Variants in MON2 observed in about 807,000 individuals in gnomAD.
The protein encoded by MON2 is protein MON2 homolog.
MON2 carries 84 observed loss-of-function variants against 208.6 expected under a neutral mutation model. The ratio of observed to expected loss-of-function variants is 0.40; its 90% CI spans 0.34 to 0.48. The LOEUF is 0.48. Among genes scored for constraint, MON2 ranks in the 20% least tolerant of loss-of-function variants. MON2 has a pLI of 0.59. For missense variants in MON2, 1,611 were observed against 2,015.4 expected (o/e 0.80, Z 3.84); for synonymous variants, 660 against 694.0 (o/e 0.95, Z 0.77).
intron 27 of MON2, 142 bp downstream of exon 27, chr12:62,565,522 T>A: frequency 1.3e-6 from 1 of 741,124 alleles, no homozygotes; most frequent in Non-Finnish European, 2.1e-6. Context: ...GTTAGCAGTT[T>A]AAGCTGAACA....
chr12:62,480,883 A>G (rs1414793839), intron 1 of MON2, among the ~76,000 whole-genome samples: 1 of 152,228 alleles, frequency 6.6e-6, no homozygotes, highest in East Asian at 1.9e-4. Flanking sequence ...CAAGGTATAT[A>G]GGGCCATAGT....
At chr12:62,470,849 T>C in intron 1 of MON2, 2 of 561,704 alleles carry the variant, frequency 3.6e-6, no homozygotes, top group Non-Finnish European at 4.6e-6. Context: ...TGAAAGAGAG[T>C]AATATGATCA....
Position 62,597,914 on chromosome 12 carries a change from G to A in MON2, c.*5165G>A, listed in dbSNP as rs1013666446. On this transcript the variant is annotated 3_prime_UTR_variant, in exon 35 of 35. Coordinates refer to ENST00000393630, the MANE Select transcript of MON2 (RefSeq NM_015026.3). ...GTTCAAAAAAATATTTTTAATTAGG[G>A]TTTTGGTTTTTTATGATTTTGGGGG... 1 of 151,380 alleles carries A rather than the reference G, an allele frequency of 6.6e-6. No individual in the cohort carries two copies. The highest frequency in any genetic ancestry group is 1.5e-5 in the Non-Finnish European group (1 of 67,892). The allele number at this position is 151,380 out of a possible 1,614,324, so 9.4% of individuals were successfully genotyped here.
At chr12:62,548,378 G>T (rs1179101416) in intron 22 of MON2, among the ~76,000 whole-genome samples, 2 of 152,132 alleles carry the variant, frequency 1.3e-5, no homozygotes, top group Non-Finnish European at 2.9e-5. Flanking sequence ...ACAAGGAAGA[G>T]CAAATTTGGA....
intron 23 of MON2, among the ~76,000 whole-genome samples, chr12:62,550,693 T>G (rs926593982): frequency 1.1e-4 from 17 of 152,166 alleles, no homozygotes; most frequent in Non-Finnish European, 2.1e-4. Context: ...GATAACGTCT[T>G]TTCTTAAACC....
chr12:62,539,608 G>T (rs1243234451), intron 19 of MON2, among the ~76,000 whole-genome samples: 3 of 152,032 alleles, frequency 2.0e-5, no homozygotes, highest in Non-Finnish European at 4.4e-5. Context: ...ACTGTGGCTT[G>T]TTATCTTGGC....
At chr12:62,481,026 A>C (rs1307605010) in intron 1 of MON2, among the ~76,000 whole-genome samples, 1 of 152,208 alleles carries the variant, frequency 6.6e-6, no homozygotes, top group Non-Finnish European at 1.5e-5. Flanking sequence ...TACAAAATAC[A>C]CATAATAATT....
At chr12:62,495,216 A>G (rs1291105290) in intron 4 of MON2, 69 bp downstream of exon 4, 3 of 1,422,422 alleles carry the variant, frequency 2.1e-6, no homozygotes, top group Non-Finnish European at 2.8e-6. Flanking sequence ...GCTGAAAGAG[A>G]AAAGCTTGGT....
intron 12 of MON2, among the ~76,000 whole-genome samples, chr12:62,534,227 A>C (rs796188953): frequency 3.0e-4 from 16 of 52,688 alleles, no homozygotes; most frequent in African/African-American, 1.9e-3. Context: ...CCTGTCTCTT[A>C]AAAAAAAAAA....
At position 62,471,105 on chromosome 12, in the gene MON2, C is replaced by T. The variant is rs116865551; in HGVS notation, c.111+3787C>T. Among the ~76,000 whole-genome samples, 6 of 152,212 alleles carry T rather than the reference C, an allele frequency of 3.9e-5. No homozygotes were observed. In the East Asian group the frequency reaches 1.2e-3, roughly 29 times the overall value. ...AGAGAGAGAAATGTGTGATGCCTCCCAGGTTTCTGGCTTGGGAAACTAGGT... is the reference window on the plus strand; with the variant it reads ...AGAGAGAGAAATGTGTGATGCCTCCTAGGTTTCTGGCTTGGGAAACTAGGT... On this transcript the variant is annotated intron_variant, in intron 1 of 34. Transcript: ENST00000393630.
intron 11 of MON2, among the ~76,000 whole-genome samples, chr12:62,527,847 A>G (rs2072415414): frequency 6.8e-6 from 1 of 148,124 alleles, no homozygotes; most frequent in Non-Finnish European, 1.5e-5. Context: ...TGAGGAAGGA[A>G]AAAAAAAAAA....
chr12:62,564,909 T>C (rs2074324206), intron 26 of MON2: 1 of 184,866 alleles, frequency 5.4e-6, no homozygotes, highest in Admixed American at 6.3e-5. Flanking sequence ...ACATTCTTAA[T>C]GGCCTAATGG....
chr12:62,592,121 TTGTAATTAAA>T (rs1264152461), intron 34 of MON2, among the ~76,000 whole-genome samples: 1 of 152,198 alleles, frequency 6.6e-6, no homozygotes, highest in Non-Finnish European at 1.5e-5. Context: ...TTGTGACAGT[TTGTAATTAAA>T]AGGAATATCA....
chr12:62,560,465 A>G, intron 25 of MON2, 26 bp from the exon 26 acceptor site: 5 of 1,550,678 alleles, frequency 3.2e-6, no homozygotes, highest in Non-Finnish European at 4.3e-6. Context: ...TTATGATAAT[A>G]GTTTTTTTTT....
intron 26 of MON2, among the ~76,000 whole-genome samples, chr12:62,561,617 A>C (rs773570644): frequency 3.9e-5 from 6 of 152,204 alleles, no homozygotes; most frequent in Non-Finnish European, 7.4e-5. Context: ...AAAAAATACT[A>C]TTCAGATAAA....
In MON2 at chr12:62,568,978, T is replaced by G. The variant is rs2074487392; in HGVS notation, c.4324-2414T>G. 2.0e-5 allele frequency among the ~76,000 whole-genome samples: 3 copies of G among 152,190 alleles called. No individual in the cohort carries two copies. The South Asian group carries it at 6.2e-4, about 32-fold the overall frequency. On this transcript the variant is annotated intron_variant, in intron 29 of 34. Transcript: ENST00000393630. Reference sequence around the variant, plus strand: ...ACTCAGTTTGTATTTTTAAAGGAGTTAAATGATCTCTTTTCTATAATCCCA... The same window carrying G: ...ACTCAGTTTGTATTTTTAAAGGAGTGAAATGATCTCTTTTCTATAATCCCA...
intron 2 of MON2, 134 bp from the exon 3 acceptor site, chr12:62,493,781 T>G: frequency 5.2e-6 from 3 of 575,326 alleles, no homozygotes; most frequent in East Asian, 3.1e-5. Flanking sequence ...TGGTACTTGA[T>G]TTTTGTTTTG....
At chr12:62,549,555 T>G in intron 22 of MON2, 113 bp from the exon 23 acceptor site, 2 of 837,728 alleles carry the variant, frequency 2.4e-6, no homozygotes, top group South Asian at 4.9e-5. Flanking sequence ...AGGTTGAGAG[T>G]GAGGCATGAT....
Position 62,585,369 on chromosome 12 carries a change from G to A in MON2, c.4775G>A (p.Ser1592Asn). 1 of 1,613,834 alleles carries A rather than the reference G, an allele frequency of 6.2e-7. No individual in the cohort carries two copies. The highest frequency in any genetic ancestry group is 8.5e-7 in the Non-Finnish European group (1 of 1,179,846). Residue 1592 changes from serine (S) to asparagine (N), a missense_variant, in exon 33 of 35, where the codon AGT (serine) becomes AAT (asparagine). Physicochemically the swap from Ser to Asn is conservative, Grantham distance 46. Coordinates refer to ENST00000393630, the MANE Select transcript of MON2 (RefSeq NM_015026.3). ...CFETLLQFSF[S>N]NKVTTPQEGY... The stretch of plus-strand genomic sequence containing the variant: ...GAAACATTACTCCAGTTTTCCTTCA[G>A]TAATAAAGTCACAACACCTCAAGAA...
Sources: gnomAD v4.1 joint callset for allele counts (sites outside exome capture counted in the v4.1 genomes callset) on GRCh38, gnomAD v4.1.1 for gene constraint, MANE v1.5 for transcripts, NCBI Gene and HGNC (gene_info 2026-07-23, HGNC 2026-07-21) for gene names.